Variants in HDAC4 observed in about 807,000 individuals in gnomAD.
HDAC4 encodes histone deacetylase 4.
A neutral mutation model predicts 135.1 loss-of-function variants in HDAC4; 16 were observed. That is an observed-to-expected ratio of 0.12 (90% CI 0.08 to 0.18). HDAC4 has a LOEUF of 0.18. HDAC4 is among the 10% of genes least tolerant of loss of function. HDAC4 has a pLI of 1.00. For missense variants in HDAC4, 1,143 were observed against 1,511.8 expected (o/e 0.76, Z 4.05); for synonymous variants, 685 against 653.4 (o/e 1.05, Z -0.74).
At chr2:239,053,881 C>G (rs1301049012) in intron 25 of HDAC4, among the ~76,000 whole-genome samples, 1 of 152,088 alleles carries the variant, frequency 6.6e-6, no homozygotes, top group African/African-American at 2.4e-5. Context: ...GTAGGCCTGG[C>G]TTTCCACGCT....
At chr2:239,251,068 T>C (rs556802706) in intron 2 of HDAC4, among the ~76,000 whole-genome samples, 20 of 152,336 alleles carry the variant, frequency 1.3e-4, no homozygotes, top group African/African-American at 4.8e-4. Context: ...CCTTAGAGGA[T>C]GACGTGGGGT....
chr2:239,176,582 G>A lies in HDAC4; in HGVS notation c.340-19C>T. On this transcript the variant is annotated intron_variant, in intron 4 of 26. Transcript: ENST00000543185. ...GTTGTTGCTGCAAGTGGAAGGAGGA[G>A]ACAGACGGTCAGAGCCCAGGCTCCA... The A allele has an allele frequency of 1.2e-6, 2 of 1,610,664 alleles. No homozygotes were observed. The highest frequency in any genetic ancestry group is 1.7e-6 in the Non-Finnish European group (2 of 1,179,298).
chr2:239,161,455 T>TAATCATG (rs1401109705), intron 6 of HDAC4, among the ~76,000 whole-genome samples: 3 of 152,210 alleles, frequency 2.0e-5, no homozygotes, highest in Non-Finnish European at 4.4e-5. Flanking sequence ...ACATCTGAAC[T>TAATCATG]AATCATGCGT....
intron 1 of HDAC4, among the ~76,000 whole-genome samples, chr2:239,357,888 CAAAAAAAAAA>C (rs71043188): frequency 2.0e-3 from 112 of 55,644 alleles, no homozygotes; most frequent in South Asian, 8.8e-3. Context: ...GCCTCTGTTC[CAAAAAAAAAA>C]AAAAAAAAAA....
chr2:239,350,833 T>C (rs1693099482), intron 2 of HDAC4, among the ~76,000 whole-genome samples: 1 of 152,178 alleles, frequency 6.6e-6, no homozygotes, highest in Non-Finnish European at 1.5e-5. Context: ...GATACATACA[T>C]ACAGACGTCT....
At position 239,053,004 on chromosome 2, in the gene HDAC4, C is replaced by T. The variant is rs1225174646; in HGVS notation, c.*93G>A. On this transcript the variant is annotated 3_prime_UTR_variant, in exon 27 of 27. Transcript: ENST00000543185. The stretch of plus-strand genomic sequence containing the variant: ...GTCCCTGGGTGCTCCAAGAGAGCCC[C>T]ACGGTGGGACGCAGGCGTGACACGG... The T allele has an allele frequency of 1.4e-6, 2 of 1,478,880 alleles. No homozygotes were observed. The highest frequency in any genetic ancestry group is 9.5e-7 in the Non-Finnish European group (1 of 1,056,980). The allele number at this position is 1,478,880 out of a possible 1,614,324, so 91.6% of individuals were successfully genotyped here. A position where few individuals can be genotyped will look rare whatever the true frequency, so the allele number is the denominator to read the frequency against.
intron 3 of HDAC4, among the ~76,000 whole-genome samples, chr2:239,231,171 C>T (rs1300856315): frequency 6.6e-6 from 1 of 152,184 alleles, no homozygotes; most frequent in Non-Finnish European, 1.5e-5. Context: ...CTCCCTAACT[C>T]TGACAGATAC....
chr2:239,296,753 G>A (rs952897731), intron 2 of HDAC4, among the ~76,000 whole-genome samples: 1 of 152,142 alleles, frequency 6.6e-6, no homozygotes, highest in Non-Finnish European at 1.5e-5. Context: ...CTTCAGTCAG[G>A]TCAAGGGAGC....
In HDAC4 at chr2:239,349,013, G is replaced by A. The variant is rs1268487012; in HGVS notation, c.22+3665C>T. On this transcript the variant is annotated intron_variant, in intron 2 of 26. Transcript: ENST00000543185. The surrounding 1 kb of genome is among the most constrained non-coding windows in gnomAD (Gnocchi z 5.7). Reference sequence around the variant, plus strand: ...CACTAGAAGGGCACTTCATCAGCAGGGCAAAGCCAAGTCACATGACAAATG... The same window carrying A: ...CACTAGAAGGGCACTTCATCAGCAGAGCAAAGCCAAGTCACATGACAAATG... Among the ~76,000 whole-genome samples the A allele has an allele frequency of 6.6e-6, 1 of 152,180 alleles. No homozygotes were observed. Among genetic ancestry groups the A allele is most frequent in the Non-Finnish European group, 1.5e-5 (1 of 68,030 alleles).
At chr2:239,186,284 T>C (rs950424731) in intron 4 of HDAC4, among the ~76,000 whole-genome samples, 1 of 152,372 alleles carries the variant, frequency 6.6e-6, no homozygotes, top group East Asian at 1.9e-4. Flanking sequence ...ATTATAAAAC[T>C]CTATTCAAAT....
chr2:239,105,385 G>A (rs906554506), intron 15 of HDAC4, among the ~76,000 whole-genome samples: 3 of 152,200 alleles, frequency 2.0e-5, no homozygotes, highest in Non-Finnish European at 4.4e-5. Context: ...GCAGGAGGGC[G>A]GGGCCCGCAC....
rs954727058 is a variant in HDAC4, at chr2:239,049,613, A to G, written c.*3484T>C. 4 of 152,614 alleles carry G rather than the reference A, an allele frequency of 2.6e-5. No homozygotes were observed. Among genetic ancestry groups the G allele is most frequent in the Admixed American group, 2.6e-4 (4 of 15,290 alleles). 9.5% of individuals were successfully genotyped at this position (152,614 alleles called of 1,614,324 possible). A position where few individuals can be genotyped will look rare whatever the true frequency, so the allele number is the denominator to read the frequency against. ...ATCAAAAAGAAAAACAACAAAGTCC[A>G]TTGCTAGTGCTGCAAAAATCAAACT... On this transcript the variant is annotated 3_prime_UTR_variant, in exon 27 of 27. Coordinates refer to ENST00000543185, the MANE Select transcript of HDAC4 (RefSeq NM_001378414.1).
intron 3 of HDAC4, among the ~76,000 whole-genome samples, chr2:239,213,290 A>C (rs2046441420): frequency 6.6e-6 from 1 of 152,220 alleles, no homozygotes; most frequent in Non-Finnish European, 1.5e-5. Flanking sequence ...GGAATGCTGA[A>C]GGGTGAGCCG....
intron 7 of HDAC4, among the ~76,000 whole-genome samples, chr2:239,145,621 A>G (rs2152920171): frequency 6.6e-6 from 1 of 152,358 alleles, no homozygotes; most frequent in South Asian, 2.1e-4. Flanking sequence ...CGCCACGGAG[A>G]CGTGTGTCAC....
chr2:239,382,562 C>A (rs528315015), intron 1 of HDAC4, among the ~76,000 whole-genome samples: 60 of 152,308 alleles, frequency 3.9e-4, no homozygotes, highest in African/African-American at 1.4e-3. Flanking sequence ...GAGACTGAAC[C>A]CCGGAGCCAC....
Position 239,352,710 on chromosome 2 carries a change from G to C in HDAC4, c.-11C>G. On this transcript the variant is annotated 5_prime_UTR_variant, in exon 2 of 27. Transcript: ENST00000543185. This position sits in a 1 kb window ranked among gnomAD's most constrained non-coding sequence, Gnocchi z 4.4. ...GCTTTGGGAGCTCATTGCTAGCAAT[G>C]TCCACTCCTTTAAGTGATTCGAAAT... 1 of 1,556,936 alleles carries C rather than the reference G, an allele frequency of 6.4e-7. No individual in the cohort carries two copies. The highest frequency in any genetic ancestry group is 8.7e-7 in the Non-Finnish European group (1 of 1,149,100).
chr2:239,345,674 AAC>A (rs1226030126), intron 2 of HDAC4, among the ~76,000 whole-genome samples: 1 of 150,520 alleles, frequency 6.6e-6, no homozygotes, highest in African/African-American at 2.5e-5. Flanking sequence ...CACTCCCTAA[AAC>A]ACACACACCC....
At chr2:239,133,618 C>T (rs925319259) in intron 11 of HDAC4, among the ~76,000 whole-genome samples, 1 of 152,166 alleles carries the variant, frequency 6.6e-6, no homozygotes, top group African/African-American at 2.4e-5. Context: ...AGGTGTGCGC[C>T]ACCACGCCCA....
chr2:239,354,202 C>T (rs748146826), intron 1 of HDAC4, among the ~76,000 whole-genome samples: 1 of 152,182 alleles, frequency 6.6e-6, no homozygotes, highest in African/African-American at 2.4e-5. Flanking sequence ...TACAGCCAGG[C>T]ATTTTCCAAT....
Sources: gnomAD v4.1 joint callset for allele counts (sites outside exome capture counted in the v4.1 genomes callset) on GRCh38, gnomAD v4.1.1 for gene constraint, Gnocchi (gnomAD v3.1) non-coding constraint, MANE v1.5 for transcripts, NCBI Gene and HGNC (gene_info 2026-07-23, HGNC 2026-07-21) for gene names.